Variants in NEB observed in about 807,000 individuals in gnomAD.
NEB encodes the protein nemaline myopathy type 2.
In NEB, 512 loss-of-function variants were observed where a neutral mutation model predicts 952.2. That is an observed-to-expected ratio of 0.54 (90% CI 0.50 to 0.58). The LOEUF (loss-of-function observed/expected upper bound fraction) is 0.58, where lower values mean the gene tolerates loss of function less well. Among genes scored for constraint, NEB ranks in the 20% least tolerant of loss-of-function variants. The probability of loss-of-function intolerance (pLI) is 0.00; values close to 1 mark genes in which losing one functional copy is unlikely to be tolerated. For missense variants in NEB, 8,428 were observed against 9,231.1 expected, an observed-to-expected ratio of 0.91 and a Z score of 3.56; for synonymous variants, 2,900 against 3,149.8, an observed-to-expected ratio of 0.92 and a Z score of 2.66.
rs1392692556 is a variant in NEB, at chr2:151,568,105, A to G, written c.17810T>C (p.Val5937Ala). ...YILPPDAVPF[V>A]HAHHCNDVQS... ...AACGTCATTGCAGTGATGGGCATGAACAAATGGCACAGCATCTGGAGGCAA... is the reference window on the plus strand; with the variant it reads ...AACGTCATTGCAGTGATGGGCATGAGCAAATGGCACAGCATCTGGAGGCAA... The change falls in exon 113 of 182, where the codon GTT (valine) becomes GCT (alanine). Residue 5937 changes from valine to alanine, a missense_variant. Val to Ala is a moderately conservative substitution (Grantham distance 64). Around this residue, in one of 11 missense-constraint regions of NEB, gnomAD observed 3,374 missense variants for 3,651.5 expected, o/e 0.92. Coordinates refer to ENST00000397345, the MANE Select transcript of NEB (RefSeq NM_001164508.2). 1.9e-6 allele frequency: 3 copies of G among 1,613,616 alleles called. No homozygotes were observed. The East Asian group carries it at 6.7e-5, about 36-fold the overall frequency.
intron 68 of NEB, among the ~76,000 whole-genome samples, chr2:151,628,421 C>G (rs2098573816): frequency 6.6e-6 from 1 of 152,150 alleles, no homozygotes; most frequent in South Asian, 2.1e-4. Context: ...TGGGATTCCT[C>G]AAGTGAAAAA....
intron 135 of NEB, among the ~76,000 whole-genome samples, chr2:151,544,177 C>G (rs917250740): frequency 1.3e-4 from 20 of 152,138 alleles, no homozygotes; most frequent in Non-Finnish European, 1.5e-5. Flanking sequence ...ATTCTTCTTC[C>G]TCAGTGCTGA....
Position 151,636,283 on chromosome 2 carries a change from G to A in NEB, c.9046C>T (p.Arg3016Ter), listed in dbSNP as rs1057517977. 13 of 1,609,518 alleles carry A rather than the reference G, an allele frequency of 8.1e-6. No individual in the cohort carries two copies. Among genetic ancestry groups the A allele is most frequent in the African/African-American group, 2.7e-5 (2 of 74,930 alleles). Residue 3016 changes from arginine (R) to a stop codon, truncating the protein, a stop_gained, in exon 64 of 182, where the codon CGA becomes TGA. Coordinates refer to ENST00000397345, the MANE Select transcript of NEB (RefSeq NM_001164508.2). LOFTEE classifies it high-confidence loss of function. Reference sequence around the variant, plus strand: ...GCCACGATGGGGATGGCGTCGCTTCGCAAGTCATAGCCTTTCTTCTTTGCT... The same window carrying A: ...GCCACGATGGGGATGGCGTCGCTTCACAAGTCATAGCCTTTCTTCTTTGCT... The part of the protein sequence containing the change: ...EEAKKKGYDL[R>*]SDAIPIVAAK...
At chr2:151,526,771 C>T in intron 148 of NEB, 147 bp downstream of exon 148, 1 of 641,158 alleles carries the variant, frequency 1.6e-6, no homozygotes, top group South Asian at 2.0e-5. Flanking sequence ...GCTGGCGCCC[C>T]TCACAGGACA....
chr2:151,535,570 T>TA (rs2093002215), intron 142 of NEB, 121 bp downstream of exon 142: 1 of 606,790 alleles, frequency 1.6e-6, no homozygotes, highest in Non-Finnish European at 2.8e-6. Context: ...AATCTTTAGT[T>TA]AAAATGAAAA....
chr2:151,653,260 G>A (rs772053579), intron 52 of NEB, among the ~76,000 whole-genome samples: 1 of 152,034 alleles, frequency 6.6e-6, no homozygotes, highest in Non-Finnish European at 1.5e-5. Context: ...TAAGTTTTGG[G>A]ATTAACAAAA....
At chr2:151,623,088 G>A (rs1311734459) in intron 71 of NEB, among the ~76,000 whole-genome samples, 1 of 152,118 alleles carries the variant, frequency 6.6e-6, no homozygotes, top group Non-Finnish European at 1.5e-5. Flanking sequence ...TTACCCCTTG[G>A]AAAGCCTTTG....
intron 148 of NEB, 43 bp downstream of exon 148, chr2:151,526,875 C>T: frequency 7.4e-7 from 1 of 1,344,476 alleles, no homozygotes; most frequent in Non-Finnish European, 1.0e-6. Context: ...TGGAAGATGG[C>T]CCTGAGTGAG....
In NEB at chr2:151,627,048, G is replaced by C. The variant is rs761682739; in HGVS notation, c.10301C>G (p.Ser3434Cys). Reference protein sequence around the residue: ...DKLKFTSVTDSLEQVLAKNNA... With the variant: ...DKLKFTSVTDCLEQVLAKNNA... Reference sequence around the variant, plus strand: ...GTTCTTGGCCAGCACCTGCTCTAGAGAGTCAGTCACACTGGTAAATTTCAG... The same window carrying C: ...GTTCTTGGCCAGCACCTGCTCTAGACAGTCAGTCACACTGGTAAATTTCAG... Residue 3434 changes from serine (S) to cysteine (C), a missense_variant, in exon 70 of 182, where the codon TCT becomes TGT. Transcript: ENST00000397345. The C allele has an allele frequency of 1.9e-6, 3 of 1,613,850 alleles. No individual in the cohort carries two copies. Among genetic ancestry groups the C allele is most frequent in the Non-Finnish European group, 2.5e-6 (3 of 1,179,894 alleles).
intron 44 of NEB, 127 bp from the exon 45 acceptor site, chr2:151,663,986 C>T: frequency 3.3e-6 from 3 of 907,350 alleles, no homozygotes; most frequent in Non-Finnish European, 4.9e-6. Flanking sequence ...AAGGGAGGCA[C>T]TCGTGAGAGG....
At chr2:151,574,216 C>T (rs1252861187) in intron 107 of NEB, among the ~76,000 whole-genome samples, 2 of 152,186 alleles carry the variant, frequency 1.3e-5, no homozygotes, top group Non-Finnish European at 2.9e-5. Flanking sequence ...CCTCGTGATT[C>T]GCCTGCCTTG....
Position 151,618,385 on chromosome 2 carries a change from A to C in NEB, c.10966T>G (p.Leu3656Val). ...EVVRAKRAGE[L>V]LSDTIYRQRP... ...TGACGGTAGATAGTATCACTAAGTA[A>C]TTCTCCAGCTCTCTTGGCCCTAACA... Residue 3656 changes from leucine (L) to valine (V), a missense_variant, in exon 74 of 182, where the codon TTA becomes GTA. By Grantham distance (32) the Leu-to-Val change is conservative. Transcript: ENST00000397345. 1 of 1,613,942 alleles carries C rather than the reference A, an allele frequency of 6.2e-7. No individual in the cohort carries two copies. Among genetic ancestry groups the C allele is most frequent in the Non-Finnish European group, 8.5e-7 (1 of 1,179,854 alleles).
chr2:151,609,209 A>G (rs945366765), intron 81 of NEB, among the ~76,000 whole-genome samples: 1 of 152,022 alleles, frequency 6.6e-6, no homozygotes, highest in African/African-American at 2.4e-5. Context: ...AAAAGAAAAA[A>G]AAAAGGAAAA....
Position 151,631,299 on chromosome 2 carries a change from G to A in NEB, c.9462C>T (p.Val3154=), listed in dbSNP as rs756951979. The change falls in exon 66 of 182, where the codon GTC becomes GTT. Residue 3154 remains valine (V), a synonymous_variant. Transcript: ENST00000397345. ...TGACCACATCCATAGACCCAATGGG[G>A]ACCCAGCCAATGCCTCTCAGCCACT... The part of the protein sequence containing the change: ...DLQWLRGIGW[V]PIGSMDVVKC... The A allele has an allele frequency of 1.2e-6, 2 of 1,613,720 alleles. No homozygotes were observed. Among genetic ancestry groups the A allele is most frequent in the Non-Finnish European group, 1.7e-6 (2 of 1,179,842 alleles).
At chr2:151,537,101 G>C (rs1264506197) in intron 141 of NEB, 31 bp downstream of exon 141, 1 of 1,394,082 alleles carries the variant, frequency 7.2e-7, no homozygotes, top group Non-Finnish European at 1.0e-6. Context: ...ATGTCGAATG[G>C]ATGAGGCCAA....
At chr2:151,567,133 C>A (rs201219620) in intron 114 of NEB, 35 bp downstream of exon 114, 2 of 1,499,820 alleles carry the variant, frequency 1.3e-6, no homozygotes, top group African/African-American at 1.4e-5. Flanking sequence ...GTGTACCATG[C>A]GTTTCTAGAT....
chr2:151,547,797 G>C, intron 131 of NEB, 59 bp from the exon 132 acceptor site: 1 of 1,089,354 alleles, frequency 9.2e-7, no homozygotes, highest in South Asian at 1.5e-5. Flanking sequence ...GGCATCTACT[G>C]ACTAATCAAG....
chr2:151,583,727 G>A lies in NEB; in HGVS notation c.15703C>T (p.His5235Tyr). 2.3e-6 allele frequency: 1 copy of A among 438,878 alleles called. No individual in the cohort carries two copies. Among genetic ancestry groups the A allele is most frequent in the Admixed American group, 4.6e-5 (1 of 21,900 alleles). 27.2% of individuals were successfully genotyped at this position (438,878 alleles called of 1,614,324 possible). The change falls in exon 101 of 182, where the codon CAC (histidine) becomes TAC (tyrosine). Residue 5235 changes from histidine (H) to tyrosine (Y), a missense_variant. His to Tyr is a moderately conservative substitution (Grantham distance 83). Coordinates refer to ENST00000397345, the MANE Select transcript of NEB (RefSeq NM_001164508.2). ...TCTTGTAGGGTGCGGAAACCCATGT[G>A]GTGGCCCAGTTGCTTACGGTAACCT... ...KEGYRKQLGH[H>Y]MGFRTLQDDP...
At chr2:151,641,660 T>C (rs997841638) in intron 60 of NEB, among the ~76,000 whole-genome samples, 4 of 152,196 alleles carry the variant, frequency 2.6e-5, no homozygotes, top group African/African-American at 9.7e-5. Flanking sequence ...GACAGGTAGG[T>C]ATTTCATTAT....
Sources: gnomAD v4.1 joint callset for allele counts (sites outside exome capture counted in the v4.1 genomes callset) on GRCh38, gnomAD v4.1.1 for gene constraint, gnomAD v4.1.1 regional missense constraint, MANE v1.5 for transcripts, NCBI Gene and HGNC (gene_info 2026-07-23, HGNC 2026-07-21) for gene names.